The following ENPP6 variants were observed in gnomAD, a reference collection of about 807,000 sequenced individuals.
The protein encoded by ENPP6 is glycerophosphocholine cholinephosphodiesterase ENPP6.
A neutral mutation model predicts 42.0 loss-of-function variants in ENPP6; 32 were observed. The observed-to-expected ratio is 0.76, with a 90% CI of 0.58 to 1.02. The LOEUF (loss-of-function observed/expected upper bound fraction) is 1.02. Among genes scored for constraint, ENPP6 ranks in the 50% least tolerant of loss-of-function variants. The pLI is 0.00. For missense variants in ENPP6, 552 were observed against 566.8 expected (o/e 0.97, Z 0.27); for synonymous variants, 213 against 216.0 (o/e 0.99, Z 0.12).
At chr4:184,101,777 G>C (rs1437733852) in intron 6 of ENPP6, among the ~76,000 whole-genome samples, 1 of 152,234 alleles carries the variant, frequency 6.6e-6, no homozygotes. Flanking sequence ...GCACTTCCCA[G>C]TGCCTTCCAG....
intron 3 of ENPP6, 64 bp downstream of exon 3, chr4:184,124,097 A>G: frequency 7.8e-7 from 1 of 1,289,622 alleles, no homozygotes. Flanking sequence ...AATTCACTTT[A>G]GGATCCATGA....
chr4:184,091,303 G>A lies in ENPP6; in HGVS notation c.1197C>T (p.Thr399=), dbSNP rs1735786114. Residue 399 remains threonine (T), a synonymous_variant, in exon 8 of 8, where the codon ACC becomes ACT. Transcript: ENST00000296741. ...YNVMCNVVGI[T]PLPNNGSWSR... ...ACCAGGATCCGTTGTTGGGCAGCGG[G>A]GTGATGCCCACCACATTGCACATGA... 6.2e-7 allele frequency: 1 copy of A among 1,614,124 alleles called. No individual in the cohort carries two copies. Among genetic ancestry groups the A allele is most frequent in the Non-Finnish European group, 8.5e-7 (1 of 1,180,022 alleles).
chr4:184,212,500 G>C (rs1733128287), intron 1 of ENPP6, among the ~76,000 whole-genome samples: 2 of 150,752 alleles, frequency 1.3e-5, no homozygotes, highest in African/African-American at 5.0e-5. Context: ...TTGCTTCAAA[G>C]AGAATAAAAT....
chr4:184,212,933 C>T (rs1177667155), intron 1 of ENPP6, among the ~76,000 whole-genome samples: 7 of 151,878 alleles, frequency 4.6e-5, no homozygotes, highest in South Asian at 2.1e-4. Flanking sequence ...GAAATAACGC[C>T]GCATATCTAC....
intron 1 of ENPP6, among the ~76,000 whole-genome samples, chr4:184,179,719 G>T (rs28872257): frequency 0.021 from 3,121 of 152,134 alleles, 105 homozygotes; most frequent in African/African-American, 0.069. Context: ...TAAGAAACTC[G>T]CTCAAAACCA....
chr4:184,154,173 A>T (rs959260888), intron 1 of ENPP6, among the ~76,000 whole-genome samples: 3 of 152,180 alleles, frequency 2.0e-5, no homozygotes, highest in Non-Finnish European at 4.4e-5. Flanking sequence ...TCCTTTCTTA[A>T]ATAAGAGGAG....
chr4:184,130,953 A>C (rs944846049), intron 2 of ENPP6, among the ~76,000 whole-genome samples: 1 of 152,206 alleles, frequency 6.6e-6, no homozygotes, highest in African/African-American at 2.4e-5. Flanking sequence ...CCAGTGTTCA[A>C]ATATAGTAGA....
intron 1 of ENPP6, among the ~76,000 whole-genome samples, chr4:184,180,988 T>C (rs931013432): frequency 4.6e-5 from 7 of 152,146 alleles, no homozygotes; most frequent in African/African-American, 9.7e-5. Flanking sequence ...CTAGTCAACA[T>C]AGTATTGGAA....
At chr4:184,174,119 G>T (rs1421133360) in intron 1 of ENPP6, among the ~76,000 whole-genome samples, 1 of 149,244 alleles carries the variant, frequency 6.7e-6, no homozygotes, top group Admixed American at 6.7e-5. Context: ...CAAGCTCTTA[G>T]AAGAGGTCCC....
At chr4:184,116,009 A>C (rs949091298) in intron 5 of ENPP6, among the ~76,000 whole-genome samples, 4 of 151,458 alleles carry the variant, frequency 2.6e-5, no homozygotes, top group African/African-American at 9.7e-5. Context: ...AGGTCAGGAG[A>C]TCGAGACCAT....
chr4:184,131,859 A>C (rs1334678266), intron 2 of ENPP6, among the ~76,000 whole-genome samples: 1 of 151,742 alleles, frequency 6.6e-6, no homozygotes. Flanking sequence ...ATTATGAGGA[A>C]TTGGCTTCCA....
chr4:184,113,596 G>A (rs935572109), intron 5 of ENPP6, among the ~76,000 whole-genome samples: 1 of 152,146 alleles, frequency 6.6e-6, no homozygotes. Context: ...ATATTAAAGG[G>A]AAAGTAAGAA....
chr4:184,126,481 A>G (rs1736505048), intron 2 of ENPP6, among the ~76,000 whole-genome samples: 1 of 152,222 alleles, frequency 6.6e-6, no homozygotes, highest in African/African-American at 2.4e-5. Context: ...GCAGCAGCCT[A>G]CCGTGGCTAC....
intron 1 of ENPP6, among the ~76,000 whole-genome samples, chr4:184,199,761 A>G (rs1732861690): frequency 6.6e-6 from 1 of 152,234 alleles, no homozygotes; most frequent in African/African-American, 2.4e-5. Context: ...TATGTACAAA[A>G]CAGGTCGAAT....
intron 7 of ENPP6, among the ~76,000 whole-genome samples, chr4:184,091,646 C>A (rs909572473): frequency 6.6e-6 from 1 of 152,050 alleles, no homozygotes; most frequent in African/African-American, 2.4e-5. Context: ...GGGGCTCACA[C>A]CTGTAGTCTC....
intron 7 of ENPP6, among the ~76,000 whole-genome samples, chr4:184,093,685 T>TA: frequency 6.7e-6 from 1 of 148,878 alleles, no homozygotes; most frequent in South Asian, 2.1e-4. Context: ...ATAATAATAA[T>TA]GTAAAACCTG....
intron 1 of ENPP6, among the ~76,000 whole-genome samples, chr4:184,212,216 C>A (rs1196960857): frequency 8.0e-4 from 121 of 150,632 alleles, no homozygotes; most frequent in African/African-American, 2.6e-3. Context: ...CCTATTCAAC[C>A]CAGTGTTGGA....
chr4:184,190,087 C>T (rs890948789), intron 1 of ENPP6, among the ~76,000 whole-genome samples: 2 of 152,118 alleles, frequency 1.3e-5, no homozygotes, highest in African/African-American at 4.8e-5. Flanking sequence ...AAATAGAAAA[C>T]CTACCACACA....
rs894755795 is a variant in ENPP6, at chr4:184,097,400, A to G, written c.994-32T>C. 4 of 1,612,262 alleles carry G rather than the reference A, an allele frequency of 2.5e-6. No homozygotes were observed. In the African/African-American group the frequency reaches 5.3e-5, roughly 22 times the overall value. On this transcript the variant is annotated intron_variant, in intron 6 of 7. Coordinates refer to ENST00000296741, the MANE Select transcript of ENPP6 (RefSeq NM_153343.4). ...CCAAGCAAGGCAGACACATGACACTACGTCCTGACCGTGGCGCTGAGCGGG... is the reference window on the plus strand; with the variant it reads ...CCAAGCAAGGCAGACACATGACACTGCGTCCTGACCGTGGCGCTGAGCGGG...
Sources: gnomAD v4.1 joint callset for allele counts (sites outside exome capture counted in the v4.1 genomes callset) on GRCh38, gnomAD v4.1.1 for gene constraint, MANE v1.5 for transcripts, NCBI Gene and HGNC (gene_info 2026-07-23, HGNC 2026-07-21) for gene names.